Variants in ART3 observed in about 807,000 individuals in gnomAD.
ART3 encodes the protein ecto-ADP-ribosyltransferase 3.
A neutral mutation model predicts 48.5 loss-of-function variants in ART3; 49 were observed. The observed-to-expected ratio is 1.01, with a 90% confidence interval of 0.80 to 1.28. The LOEUF (loss-of-function observed/expected upper bound fraction) is 1.28. Among genes scored for constraint, ART3 ranks in the 50% most tolerant of loss-of-function variants. The pLI is 0.00. For synonymous variants in ART3, 145 were observed against 157.2 expected, an observed-to-expected ratio of 0.92 and a Z score of 0.58; for missense variants, 438 against 454.3, an observed-to-expected ratio of 0.96 and a Z score of 0.33.
intron 1 of ART3, among the ~76,000 whole-genome samples, chr4:76,047,861 C>T (rs1323075465): frequency 1.3e-5 from 2 of 151,906 alleles, no homozygotes; most frequent in African/African-American, 4.8e-5. Context: ...AAAGGTTTGC[C>T]CTAGACCCTG....
intron 4 of ART3, 77 bp downstream of exon 4, chr4:76,097,753 C>A: frequency 8.9e-7 from 1 of 1,129,258 alleles, no homozygotes. Flanking sequence ...TCAGAGCTAC[C>A]CCACCACTGT....
chr4:76,102,299 G>A (rs1475682546), intron 8 of ART3, among the ~76,000 whole-genome samples: 1 of 151,968 alleles, frequency 6.6e-6, no homozygotes, highest in Non-Finnish European at 1.5e-5. Flanking sequence ...TTTTAAAATG[G>A]CCAATTTGGG....
rs1722651214 is a variant in ART3 at position 76,082,255 on chromosome 4, C to T, written c.501C>T (p.Gly167=). 1 of 1,614,180 alleles carries T rather than the reference C, an allele frequency of 6.2e-7. No homozygotes were observed. Among genetic ancestry groups the T allele is most frequent in the Non-Finnish European group, 8.5e-7 (1 of 1,180,038 alleles). The change falls in exon 3 of 12, where the codon GGC becomes GGT. Residue 167 remains glycine, a synonymous_variant. Transcript: ENST00000355810. ...SKTVVYRTSQ[G]TSFTFGGLNQ... The stretch of plus-strand genomic sequence containing the variant: ...CTGTGGTATATAGAACAAGCCAGGG[C>T]ACTTCATTTACATTTGGAGGGCTAA...
intron 1 of ART3, among the ~76,000 whole-genome samples, chr4:76,066,743 T>G (rs893259349): frequency 2.0e-5 from 3 of 152,044 alleles, no homozygotes; most frequent in African/African-American, 7.2e-5. Flanking sequence ...GCCCCAGCCT[T>G]CAGGCCCTCC....
At chr4:76,067,781 C>G (rs555605917) in intron 1 of ART3, among the ~76,000 whole-genome samples, 2 of 152,292 alleles carry the variant, frequency 1.3e-5, no homozygotes, top group East Asian at 1.9e-4. Flanking sequence ...TATTTAAATT[C>G]AGAGTTCTTT....
At chr4:76,089,681 T>C (rs960111139) in intron 3 of ART3, among the ~76,000 whole-genome samples, 5 of 151,822 alleles carry the variant, frequency 3.3e-5, no homozygotes, top group African/African-American at 1.2e-4. Flanking sequence ...AAACAGTTTG[T>C]AACATGATAT....
chr4:76,065,294 A>T (rs1025841600), intron 1 of ART3, among the ~76,000 whole-genome samples: 1 of 152,146 alleles, frequency 6.6e-6, no homozygotes, highest in African/African-American at 2.4e-5. Context: ...TTATTATTGT[A>T]TACTTTTGGA....
At chr4:76,054,540 A>T (rs1321902781) in intron 1 of ART3, among the ~76,000 whole-genome samples, 1 of 152,242 alleles carries the variant, frequency 6.6e-6, no homozygotes, top group African/African-American at 2.4e-5. Flanking sequence ...TAATACTTTT[A>T]AAATATTTAG....
At chr4:76,077,770 A>G (rs1029338261) in intron 2 of ART3, among the ~76,000 whole-genome samples, 1 of 152,170 alleles carries the variant, frequency 6.6e-6, no homozygotes, top group Non-Finnish European at 1.5e-5. Flanking sequence ...TTTTTTAGGA[A>G]CTGCCAAACT....
At chr4:76,027,235 A>G (rs4859590) in intron 1 of ART3, among the ~76,000 whole-genome samples, 92,906 of 151,980 alleles carry the variant, frequency 0.61, 29,476 homozygotes, top group East Asian at 0.94. Flanking sequence ...CCTGGGCAAC[A>G]AGAGCGAAAC....
intron 5 of ART3, 77 bp downstream of exon 5, chr4:76,099,064 G>A (rs1321387039): frequency 7.4e-7 from 1 of 1,354,140 alleles, no homozygotes; most frequent in African/African-American, 1.4e-5. Context: ...CGCTTTGGAA[G>A]GCCGAGGTGA....
intron 1 of ART3, among the ~76,000 whole-genome samples, chr4:76,048,654 T>C (rs1312385447): frequency 6.6e-6 from 1 of 151,908 alleles, no homozygotes; most frequent in African/African-American, 2.4e-5. Context: ...AGAATAGTTG[T>C]GCTCACTGAC....
At chr4:76,065,234 G>A (rs1368559579) in intron 1 of ART3, among the ~76,000 whole-genome samples, 2 of 152,118 alleles carry the variant, frequency 1.3e-5, no homozygotes, top group African/African-American at 4.8e-5. Context: ...CAAATATGGC[G>A]AGCTCACTGA....
intron 3 of ART3, among the ~76,000 whole-genome samples, chr4:76,085,320 G>T (rs1490769234): frequency 6.6e-6 from 1 of 152,164 alleles, no homozygotes; most frequent in Non-Finnish European, 1.5e-5. Flanking sequence ...AGATAAAAAA[G>T]GCTGGGTGGT....
chr4:76,052,393 A>G (rs6826398), intron 1 of ART3, among the ~76,000 whole-genome samples: 88,884 of 151,832 alleles, frequency 0.59, 26,861 homozygotes, highest in East Asian at 0.94. Context: ...TTCAGTGACT[A>G]CCGTATCACC....
intron 1 of ART3, among the ~76,000 whole-genome samples, chr4:76,049,243 G>A (rs1397010334): frequency 6.6e-6 from 1 of 151,974 alleles, no homozygotes; most frequent in Non-Finnish European, 1.5e-5. Flanking sequence ...GGGACAGGTA[G>A]CAATTTTTAG....
Position 76,023,625 on chromosome 4 carries a change from G to A in ART3, c.-10+12305G>A, listed in dbSNP as rs1733095375. 4 of 509,830 alleles carry A rather than the reference G, an allele frequency of 7.8e-6. 1 individual carries two copies. The South Asian group carries it at 1.5e-4, about 19-fold the overall frequency. The allele number at this position is 509,830 out of a possible 1,614,324, so 31.6% of individuals were successfully genotyped here. A position where few individuals can be genotyped will look rare whatever the true frequency, so the allele number is the denominator to read the frequency against. ...GCTGTTCCTGGGGAAGTCCCATGTTGCAGACTCGAAGGTATTATTTATTGT... is the reference window on the plus strand; with the variant it reads ...GCTGTTCCTGGGGAAGTCCCATGTTACAGACTCGAAGGTATTATTTATTGT... On this transcript the variant is annotated intron_variant, in intron 1 of 9. Coordinates refer to the ART3 transcript ENST00000341029.
At chr4:76,013,314 GT>G (rs1172109232) in intron 1 of ART3, among the ~76,000 whole-genome samples, 1 of 152,092 alleles carries the variant, frequency 6.6e-6, no homozygotes, top group African/African-American at 2.4e-5. Flanking sequence ...GAATAATGGA[GT>G]GGTGAGAAAT....
chr4:76,051,894 CTCTCTTTTTTTTTTT>C (rs1239149739), intron 1 of ART3, among the ~76,000 whole-genome samples: 2 of 111,222 alleles, frequency 1.8e-5, no homozygotes, highest in Admixed American at 2.2e-4. Context: ...ATCTCTCTCT[CTCTCTTTTTTTTTTT>C]TTTTTTTTTT....
Sources: allele counts gnomAD v4.1 joint callset (sites outside exome capture counted in the v4.1 genomes callset), GRCh38; gene constraint gnomAD v4.1.1; transcripts MANE v1.5; gene names NCBI Gene and HGNC (gene_info 2026-07-23, HGNC 2026-07-21).